The following RFTN1 variants were observed in gnomAD, a reference collection of about 807,000 sequenced individuals.
RFTN1 encodes the protein raftlin, lipid raft linker 1, also known as raftlin.
Under a neutral mutation model 46.5 loss-of-function variants are expected in RFTN1, and 26 were observed. The observed-to-expected ratio is 0.56, with a 90% CI of 0.41 to 0.78. The LOEUF (loss-of-function observed/expected upper bound fraction) is 0.78, where lower values mean the gene tolerates loss of function less well. Ranked by LOEUF, RFTN1 falls within the 30% of genes least tolerant of loss-of-function variation. The pLI is 0.00. For missense variants in RFTN1, 693 were observed against 718.7 expected (o/e 0.96, Z 0.41); for synonymous variants, 261 against 284.2 (o/e 0.92, Z 0.82).
chr3:16,459,649 T>A lies in RFTN1; in HGVS notation c.146-25612A>T, dbSNP rs1459312521. 6.6e-6 allele frequency among the ~76,000 whole-genome samples: 1 copy of A among 152,136 alleles called. No homozygotes were observed. The highest frequency in any genetic ancestry group is 1.5e-5 in the Non-Finnish European group (1 of 68,028). On this transcript the variant is annotated intron_variant, in intron 2 of 9. Coordinates refer to ENST00000334133, the MANE Select transcript of RFTN1 (RefSeq NM_015150.2). This position sits in a 1 kb window ranked among gnomAD's most constrained non-coding sequence, Gnocchi z 4.2. ...GAAAATTACAAATAAAACTCAACTC[T>A]ACATTCAAAATTTTCTTAAAATTTT...
chr3:16,334,834 C>T lies in RFTN1; in HGVS notation c.1147-7958G>A, dbSNP rs1455998278. Among the ~76,000 whole-genome samples, 1 of 152,148 alleles carries T rather than the reference C, an allele frequency of 6.6e-6. No individual in the cohort carries two copies. On this transcript the variant is annotated intron_variant, in intron 7 of 9. Transcript: ENST00000334133. The surrounding 1 kb of genome is among the most constrained non-coding windows in gnomAD (Gnocchi z 4.3). ...AGGATCTTGAGATGGAGAGTTTATC[C>T]AGGATTATCCAGGTGTGCCCAGTAT...
At chr3:16,331,940 C>T (rs1294202143) in intron 7 of RFTN1, among the ~76,000 whole-genome samples, 3 of 152,190 alleles carry the variant, frequency 2.0e-5, no homozygotes, top group African/African-American at 7.2e-5. Context: ...GAAAGTACCT[C>T]TAGTAGTTTC....
At position 16,426,057 on chromosome 3, in the gene RFTN1, C is replaced by T. The variant is rs2075283820; in HGVS notation, c.332+7794G>A. Among the ~76,000 whole-genome samples the T allele has an allele frequency of 6.6e-6, 1 of 152,296 alleles. No homozygotes were observed. The highest frequency in any genetic ancestry group is 1.5e-5 in the Non-Finnish European group (1 of 68,010). On this transcript the variant is annotated intron_variant, in intron 3 of 9. Coordinates refer to ENST00000334133, the MANE Select transcript of RFTN1 (RefSeq NM_015150.2). The surrounding 1 kb of genome is among the most constrained non-coding windows in gnomAD (Gnocchi z 5.9). Reference sequence around the variant, plus strand: ...TTCCCCGCTCTGCCTTAAGCAAGAGCTCTGAATTCACCTTCCTCAATGTCT... The same window carrying T: ...TTCCCCGCTCTGCCTTAAGCAAGAGTTCTGAATTCACCTTCCTCAATGTCT...
At chr3:16,436,592 T>A (rs2075520789) in intron 2 of RFTN1, among the ~76,000 whole-genome samples, 1 of 152,210 alleles carries the variant, frequency 6.6e-6, no homozygotes, top group Non-Finnish European at 1.5e-5. Flanking sequence ...AATACATATT[T>A]CATTTTTTGC....
At position 16,357,967 on chromosome 3, in the gene RFTN1, C is replaced by A; in HGVS notation, c.1111G>T (p.Asp371Tyr). 1 of 1,609,154 alleles carries A rather than the reference C, an allele frequency of 6.2e-7. No homozygotes were observed. Among genetic ancestry groups the A allele is most frequent in the Non-Finnish European group, 8.5e-7 (1 of 1,177,428 alleles). Residue 371 changes from aspartate to tyrosine, a missense_variant, in exon 7 of 10, where the codon GAT becomes TAT. Coordinates refer to ENST00000334133, the MANE Select transcript of RFTN1 (RefSeq NM_015150.2). ...GTCCATTGTTCAACCACAATAGCATCATAGCCCTGTATGGTTTTGCTATCT... is the reference window on the plus strand; with the variant it reads ...GTCCATTGTTCAACCACAATAGCATAATAGCCCTGTATGGTTTTGCTATCT... The part of the protein sequence containing the change: ...TEDSKTIQGY[D>Y]AIVVEQWTVL...
At chr3:16,478,584 G>A (rs73024235) in intron 2 of RFTN1, among the ~76,000 whole-genome samples, 1 of 152,286 alleles carries the variant, frequency 6.6e-6, no homozygotes, top group Non-Finnish European at 1.5e-5. Context: ...CAGTTTCTGT[G>A]AGTCAGGAAT....
intron 1 of RFTN1, among the ~76,000 whole-genome samples, chr3:16,496,091 C>T (rs2076622271): frequency 6.6e-6 from 1 of 152,202 alleles, no homozygotes; most frequent in Admixed American, 6.5e-5. Context: ...AGTGAAAAGG[C>T]AATCCAGAGA....
chr3:16,481,156 C>G lies in RFTN1; in HGVS notation c.145+12569G>C, dbSNP rs990262777. ...TGCAAAGGAATGTAAAGAATGCCTT[C>G]CTTCCTTTTAAATCTAATCTTATTA... On this transcript the variant is annotated intron_variant, in intron 2 of 9. Coordinates refer to ENST00000334133, the MANE Select transcript of RFTN1 (RefSeq NM_015150.2). The surrounding 1 kb of genome is among the most constrained non-coding windows in gnomAD (Gnocchi z 5.1). 1.3e-5 allele frequency among the ~76,000 whole-genome samples: 2 copies of G among 152,134 alleles called. No homozygotes were observed. The highest frequency in any genetic ancestry group is 2.9e-5 in the Non-Finnish European group (2 of 68,042).
At chr3:16,319,007 G>T (rs2068740246) in intron 9 of RFTN1, among the ~76,000 whole-genome samples, 1 of 152,192 alleles carries the variant, frequency 6.6e-6, no homozygotes, top group Non-Finnish European at 1.5e-5. Context: ...TTAGCCCTCA[G>T]CATGACCGTG....
In RFTN1 at chr3:16,338,448, C is replaced by T. The variant is rs370644970; in HGVS notation, c.1147-11572G>A. Among the ~76,000 whole-genome samples, 127 of 152,352 alleles carry T rather than the reference C, an allele frequency of 8.3e-4. No homozygotes were observed. Among genetic ancestry groups the T allele is most frequent in the African/African-American group, 2.5e-3 (106 of 41,594 alleles). On this transcript the variant is annotated intron_variant, in intron 7 of 9. Transcript: ENST00000334133. This position sits in a 1 kb window ranked among gnomAD's most constrained non-coding sequence, Gnocchi z 5.3. ...CTGCCACATCCTGTCAGCTGCTCAT[C>T]GGGACCACGTATGCAATAGCACAGG...
At chr3:16,491,614 C>T (rs988276837) in intron 2 of RFTN1, among the ~76,000 whole-genome samples, 4 of 152,122 alleles carry the variant, frequency 2.6e-5, no homozygotes, top group South Asian at 4.2e-4. Context: ...ATAAGGAGGT[C>T]GGGGAAATCA....
intron 3 of RFTN1, among the ~76,000 whole-genome samples, chr3:16,432,443 G>A (rs2075407180): frequency 6.6e-6 from 1 of 152,088 alleles, no homozygotes; most frequent in African/African-American, 2.4e-5. Flanking sequence ...GCTTAAGCCT[G>A]AGAGGCAAAG....
chr3:16,330,177 G>A (rs1286799112), intron 7 of RFTN1, among the ~76,000 whole-genome samples: 4 of 152,166 alleles, frequency 2.6e-5, no homozygotes, highest in Non-Finnish European at 4.4e-5. Context: ...TCAATCTCAC[G>A]TGTTAATTTC....
chr3:16,477,172 G>A (rs2076295324), intron 2 of RFTN1, among the ~76,000 whole-genome samples: 1 of 151,522 alleles, frequency 6.6e-6, no homozygotes, highest in African/African-American at 2.4e-5. Context: ...TTTCTTTAAT[G>A]GGGAAAAAGG....
chr3:16,405,363 G>A (rs1191878024), intron 4 of RFTN1, among the ~76,000 whole-genome samples: 1 of 152,070 alleles, frequency 6.6e-6, no homozygotes, highest in Admixed American at 6.5e-5. Flanking sequence ...AATGTTCTGT[G>A]GTCCATAATA....
At position 16,442,769 on chromosome 3, in the gene RFTN1, C is replaced by T. The variant is rs2075652683; in HGVS notation, c.146-8732G>A. Among the ~76,000 whole-genome samples the T allele has an allele frequency of 1.3e-5, 2 of 152,192 alleles. No individual in the cohort carries two copies. The highest frequency in any genetic ancestry group is 2.9e-5 in the Non-Finnish European group (2 of 68,030). On this transcript the variant is annotated intron_variant, in intron 2 of 9. Transcript: ENST00000334133. The surrounding 1 kb of genome is among the most constrained non-coding windows in gnomAD (Gnocchi z 4.1). ...CCTGACCCCCCAAACTACAGTTCTACTCTCTGTTTCTGTGTATTTGATTTT... is the reference window on the plus strand; with the variant it reads ...CCTGACCCCCCAAACTACAGTTCTATTCTCTGTTTCTGTGTATTTGATTTT...
chr3:16,358,946 C>T (rs1270751290), intron 6 of RFTN1, among the ~76,000 whole-genome samples: 3 of 147,130 alleles, frequency 2.0e-5, no homozygotes, highest in Non-Finnish European at 3.0e-5. Context: ...GCAGGAGAAT[C>T]GCTTGAACCG....
intron 2 of RFTN1, among the ~76,000 whole-genome samples, chr3:16,485,274 G>T (rs2076430045): frequency 1.3e-5 from 2 of 151,706 alleles, no homozygotes; most frequent in African/African-American, 4.8e-5. Context: ...ATATTACTCA[G>T]AAACAAAAAG....
chr3:16,330,384 A>G (rs2070190502), intron 7 of RFTN1, among the ~76,000 whole-genome samples: 1 of 152,250 alleles, frequency 6.6e-6, no homozygotes, highest in South Asian at 2.1e-4. Context: ...CTAAAATACA[A>G]GATGAGCCTG....
Sources: allele counts gnomAD v4.1 joint callset (sites outside exome capture counted in the v4.1 genomes callset), GRCh38; gene constraint gnomAD v4.1.1; non-coding constraint Gnocchi (gnomAD v3.1); transcripts MANE v1.5; gene names NCBI Gene and HGNC (gene_info 2026-07-23, HGNC 2026-07-21).